BCAS1: variants seen among roughly 807,000 people sequenced by gnomAD.
BCAS1 encodes the protein brain enriched myelin associated protein 1, also known as breast carcinoma-amplified sequence 1.
BCAS1 carries 46 observed loss-of-function variants against 65.4 expected under a neutral mutation model. That is an observed-to-expected ratio of 0.70 (90% CI 0.55 to 0.90). BCAS1 has a LOEUF of 0.90. Among genes scored for constraint, BCAS1 ranks in the 40% least tolerant of loss-of-function variants. The pLI is 0.00. For synonymous variants in BCAS1, 298 were observed against 293.5 expected (o/e 1.02, Z -0.16); for missense variants, 793 against 771.2 (o/e 1.03, Z -0.33).
chr20:54,041,078 A>C (rs1350082189), intron 3 of BCAS1, among the ~76,000 whole-genome samples: 1 of 151,476 alleles, frequency 6.6e-6, no homozygotes, highest in Admixed American at 6.6e-5. Flanking sequence ...GCCAGACACA[A>C]AAAGCAAAAT....
chr20:53,982,604 T>C (rs1310035220), intron 8 of BCAS1, among the ~76,000 whole-genome samples: 3 of 152,156 alleles, frequency 2.0e-5, no homozygotes, highest in Non-Finnish European at 2.9e-5. Flanking sequence ...AGTGAAAATA[T>C]AAGAAAATGT....
At chr20:54,050,667 G>C (rs1344963385) in intron 3 of BCAS1, among the ~76,000 whole-genome samples, 1 of 152,156 alleles carries the variant, frequency 6.6e-6, no homozygotes, top group Non-Finnish European at 1.5e-5. Flanking sequence ...CGAGGCCAAC[G>C]TGTCATCTCA....
chr20:54,003,414 A>T (rs1447655381), intron 4 of BCAS1, among the ~76,000 whole-genome samples: 1 of 152,036 alleles, frequency 6.6e-6, no homozygotes, highest in African/African-American at 2.4e-5. Flanking sequence ...TCACGATTGG[A>T]ATCAAGTCTC....
Position 54,028,580 on chromosome 20 carries a change from C to T in BCAS1, c.535G>A (p.Gly179Arg), listed in dbSNP as rs761821717. 2 of 1,614,168 alleles carry T rather than the reference C, an allele frequency of 1.2e-6. No homozygotes were observed. Among genetic ancestry groups the T allele is most frequent in the East Asian group, 2.2e-5 (1 of 44,880 alleles). Residue 179 changes from glycine (G) to arginine (R), a missense_variant, in exon 4 of 13, where the codon GGA (glycine) becomes AGA (arginine). Coordinates refer to ENST00000688948, the MANE Select transcript of BCAS1 (RefSeq NM_001366298.2). The part of the protein sequence containing the change: ...DPTLLPPETG[G>R]AGGEAPSKPK... ...TTGGAGGGAGCTTCTCCTCCTGCTC[C>T]CCCTGTCTCAGGTGGGAGAAGCGTG...
chr20:53,974,569 C>T (rs926093888), intron 9 of BCAS1, among the ~76,000 whole-genome samples: 1 of 152,174 alleles, frequency 6.6e-6, no homozygotes, highest in Non-Finnish European at 1.5e-5. Flanking sequence ...CTATTTATGG[C>T]AAGTAAATAA....
At chr20:53,958,355 A>G (rs186398569) in intron 10 of BCAS1, among the ~76,000 whole-genome samples, 78 of 152,384 alleles carry the variant, frequency 5.1e-4, no homozygotes, top group Admixed American at 2.5e-3. Context: ...CTTATCAACA[A>G]CATTGACTCA....
intron 4 of BCAS1, among the ~76,000 whole-genome samples, chr20:54,010,733 G>T (rs976251519): frequency 3.9e-5 from 6 of 152,290 alleles, no homozygotes; most frequent in Non-Finnish European, 5.9e-5. Flanking sequence ...ACATTTTGTA[G>T]AGATAGATGA....
intron 3 of BCAS1, among the ~76,000 whole-genome samples, chr20:54,050,635 G>A (rs192200863): frequency 5.9e-5 from 9 of 152,250 alleles, no homozygotes; most frequent in Admixed American, 1.3e-4. Context: ...GCATTACCTC[G>A]TCTAGTCCTG....
intron 2 of BCAS1, 150 bp from the exon 3 acceptor site, chr20:54,058,304 T>A: frequency 1.3e-6 from 1 of 771,798 alleles, no homozygotes. Flanking sequence ...TTTTCTATCA[T>A]GCCTTGGAGA....
At chr20:54,061,613 T>A (rs2092377812) in intron 1 of BCAS1, among the ~76,000 whole-genome samples, 1 of 152,130 alleles carries the variant, frequency 6.6e-6, no homozygotes, top group Non-Finnish European at 1.5e-5. Context: ...AATTAGATAT[T>A]GAGGAGGCCA....
chr20:54,062,235 TA>T (rs890950707), intron 1 of BCAS1, among the ~76,000 whole-genome samples: 2 of 152,178 alleles, frequency 1.3e-5, no homozygotes, highest in Non-Finnish European at 2.9e-5. Flanking sequence ...ACAACAACTC[TA>T]AAAAATCATA....
In BCAS1 at chr20:53,995,008, C is replaced by T. The variant is rs1352230642; in HGVS notation, c.927+4G>A. 6.2e-7 allele frequency: 1 copy of T among 1,612,916 alleles called. No individual in the cohort carries two copies. Among genetic ancestry groups the T allele is most frequent in the African/African-American group, 1.3e-5 (1 of 74,862 alleles). ...TATATACATACACACTTCCAACTAC[C>T]TACCGTGTCTTCTGGGTCCTTTTTT... On this transcript the variant is annotated splice_donor_region_variant and intron_variant, in intron 6 of 12. Coordinates refer to ENST00000688948, the MANE Select transcript of BCAS1 (RefSeq NM_001366298.2).
intron 7 of BCAS1, among the ~76,000 whole-genome samples, chr20:53,991,231 C>G (rs768342738): frequency 1.3e-5 from 2 of 152,162 alleles, no homozygotes; most frequent in African/African-American, 4.8e-5. Flanking sequence ...AAGTTATTTC[C>G]CAGCAGTTAC....
intron 4 of BCAS1, among the ~76,000 whole-genome samples, chr20:54,013,695 T>C (rs2091370906): frequency 6.6e-6 from 1 of 152,044 alleles, no homozygotes; most frequent in Non-Finnish European, 1.5e-5. Flanking sequence ...CCAATGGGCA[T>C]TAAATGGGGT....
chr20:54,061,024 T>G lies in BCAS1; in HGVS notation c.-5-2301A>C, dbSNP rs572560804. 3.9e-4 allele frequency among the ~76,000 whole-genome samples: 59 copies of G among 152,322 alleles called. 1 individual carries two copies. In the South Asian group the frequency reaches 4.4e-3, roughly 11 times the overall value. On this transcript the variant is annotated intron_variant, in intron 1 of 12. Coordinates refer to ENST00000688948, the MANE Select transcript of BCAS1 (RefSeq NM_001366298.2). The stretch of plus-strand genomic sequence containing the variant: ...TGATATATAATAATAATGATGATAA[T>G]AGCAAATCATTACTTAGCATGTTCT...
At chr20:53,963,097 G>A (rs1399441743) in intron 10 of BCAS1, among the ~76,000 whole-genome samples, 2 of 151,498 alleles carry the variant, frequency 1.3e-5, no homozygotes, top group Non-Finnish European at 2.9e-5. Flanking sequence ...TAATCCACCC[G>A]CCTCGGCCTC....
chr20:54,006,247 C>T (rs2091185477), intron 4 of BCAS1, among the ~76,000 whole-genome samples: 2 of 152,138 alleles, frequency 1.3e-5, no homozygotes, highest in African/African-American at 4.8e-5. Flanking sequence ...AGCCCTTTCC[C>T]CTTAACCCCT....
chr20:53,953,646 G>A lies in BCAS1; in HGVS notation c.1601C>T (p.Thr534Ile), dbSNP rs753643538. ...CTCTTTACCCTTCTGTGGTGCTCCT[G>A]TTGGTTCAGGCTCTGGCGGTGTGAT... ...KTITPPEPEP[T>I]GAPQKGKEGS... Residue 534 changes from threonine to isoleucine, a missense_variant, in exon 12 of 13, where the codon ACA becomes ATA. Thr to Ile is a moderately conservative substitution (Grantham distance 89). Coordinates refer to ENST00000688948, the MANE Select transcript of BCAS1 (RefSeq NM_001366298.2). 6.2e-6 allele frequency: 10 copies of A among 1,613,922 alleles called. No homozygotes were observed. In the South Asian group the frequency reaches 9.9e-5, roughly 16 times the overall value.
chr20:53,999,519 G>A (rs887091696), intron 4 of BCAS1, among the ~76,000 whole-genome samples: 1 of 152,060 alleles, frequency 6.6e-6, no homozygotes, highest in African/African-American at 2.4e-5. Context: ...TCCTGGAGAA[G>A]TGCCCCTCTT....
Sources: gnomAD v4.1 joint callset for allele counts (sites outside exome capture counted in the v4.1 genomes callset) on GRCh38, gnomAD v4.1.1 for gene constraint, MANE v1.5 for transcripts, NCBI Gene and HGNC (gene_info 2026-07-23, HGNC 2026-07-21) for gene names.